The following PTPRG variants were observed in gnomAD, a reference collection of about 807,000 sequenced individuals.
PTPRG encodes the protein protein tyrosine phosphatase receptor type G, also known as receptor-type tyrosine-protein phosphatase gamma.
A neutral mutation model predicts 165.3 loss-of-function variants in PTPRG; 102 were observed. The observed-to-expected ratio is 0.62, with a 90% confidence interval of 0.53 to 0.73. The LOEUF is 0.73. Among genes scored for constraint, PTPRG ranks in the 30% least tolerant of loss-of-function variants. The pLI is 0.00. For missense variants in PTPRG, 1,866 were observed against 1,861.4 expected, an observed-to-expected ratio of 1.00 and a Z score of -0.05; for synonymous variants, 675 against 669.5, an observed-to-expected ratio of 1.01 and a Z score of -0.13.
At chr3:62,127,462 G>A (rs1231420637) in intron 5 of PTPRG, among the ~76,000 whole-genome samples, 1 of 152,206 alleles carries the variant, frequency 6.6e-6, no homozygotes, top group Non-Finnish European at 1.5e-5. Context: ...GCTGGGGTGG[G>A]TGAATCCTCT....
chr3:61,827,112 T>C (rs2036136505), intron 2 of PTPRG, among the ~76,000 whole-genome samples: 2 of 152,234 alleles, frequency 1.3e-5, no homozygotes, highest in South Asian at 4.1e-4. Context: ...TGTGTTCTTC[T>C]ATCCTCTATA....
chr3:61,940,329 G>A (rs1230402413), intron 2 of PTPRG, among the ~76,000 whole-genome samples: 1 of 152,122 alleles, frequency 6.6e-6, no homozygotes, highest in Non-Finnish European at 1.5e-5. Flanking sequence ...ACCTTTCCTA[G>A]CAAAATACTG....
intron 2 of PTPRG, among the ~76,000 whole-genome samples, chr3:61,820,302 C>T (rs916218626): frequency 5.3e-5 from 8 of 152,148 alleles, no homozygotes; most frequent in African/African-American, 1.9e-4. Context: ...AGCTTAAACA[C>T]TCAGGCAGAG....
intron 5 of PTPRG, among the ~76,000 whole-genome samples, chr3:62,123,381 G>A (rs1251077695): frequency 6.6e-6 from 1 of 152,128 alleles, no homozygotes; most frequent in Non-Finnish European, 1.5e-5. Flanking sequence ...GGGTAGCTAG[G>A]ACTATAGATG....
rs1702114056 is a variant in PTPRG at position 62,272,967 on chromosome 3, C to CG, written c.3204_3205insG (p.Thr1069AspfsTer19). On this transcript the variant is annotated frameshift_variant, in exon 22 of 30. Coordinates refer to ENST00000474889, the MANE Select transcript of PTPRG (RefSeq NM_002841.4). LOFTEE classifies it high-confidence loss of function. ...ACAGTGCTGGTGTGGGCAGAACAGG[C>CG]ACCTATATTGTAATAGACAGCATGC... The CG allele has an allele frequency of 6.2e-7, 1 of 1,612,408 alleles. No homozygotes were observed. Among genetic ancestry groups the CG allele is most frequent in the Admixed American group, 1.7e-5 (1 of 59,740 alleles).
chr3:61,791,608 C>G (rs1310130628), intron 2 of PTPRG, among the ~76,000 whole-genome samples: 1 of 152,180 alleles, frequency 6.6e-6, no homozygotes, highest in African/African-American at 2.4e-5. Flanking sequence ...CTGCCTCAGC[C>G]TCCTGAGTAG....
At chr3:62,074,349 T>C (rs1356307285) in intron 4 of PTPRG, among the ~76,000 whole-genome samples, 2 of 112,816 alleles carry the variant, frequency 1.8e-5, no homozygotes, top group Non-Finnish European at 3.3e-5. Flanking sequence ...TTTTCTTTTC[T>C]TTCTTTTTTT....
chr3:62,216,177 A>G (rs1415201973), intron 12 of PTPRG, among the ~76,000 whole-genome samples: 2 of 150,802 alleles, frequency 1.3e-5, no homozygotes, highest in African/African-American at 4.9e-5. Flanking sequence ...GAGATCATGC[A>G]CTCCAGCCTG....
intron 1 of PTPRG, among the ~76,000 whole-genome samples, chr3:61,600,188 A>ATGTGTGTGTGTGTGTGTGTGTGTGTG (rs1372886923): frequency 3.0e-5 from 4 of 133,266 alleles, no homozygotes; most frequent in African/African-American, 2.8e-5. Context: ...ATATATATAT[A>ATGTGTGTGTGTGTGTGTGTGTGTGTG]TATATGTGTG....
At chr3:62,164,472 C>T (rs974184507) in intron 7 of PTPRG, among the ~76,000 whole-genome samples, 4 of 152,088 alleles carry the variant, frequency 2.6e-5, no homozygotes, top group East Asian at 1.9e-4. Context: ...TAGTGAATGC[C>T]GCCAACCCAC....
intron 2 of PTPRG, among the ~76,000 whole-genome samples, chr3:61,945,841 G>T (rs1375727377): frequency 6.6e-6 from 1 of 152,152 alleles, no homozygotes; most frequent in Admixed American, 6.5e-5. Context: ...TCTGAGAGGA[G>T]GCATGGCAGC....
At chr3:62,019,539 A>T (rs1260337306) in intron 4 of PTPRG, among the ~76,000 whole-genome samples, 1 of 151,940 alleles carries the variant, frequency 6.6e-6, no homozygotes, top group Non-Finnish European at 1.5e-5. Context: ...AAAAAAAAAA[A>T]AAAGTCCTTG....
At chr3:62,050,052 A>T (rs1357695614) in intron 4 of PTPRG, among the ~76,000 whole-genome samples, 1 of 152,220 alleles carries the variant, frequency 6.6e-6, no homozygotes, top group Non-Finnish European at 1.5e-5. Flanking sequence ...GTATCAGAAA[A>T]AGGATAGTGT....
At chr3:62,282,935 G>A (rs1478572241) in intron 28 of PTPRG, 66 bp downstream of exon 28, 20 of 1,476,916 alleles carry the variant, frequency 1.4e-5, no homozygotes, top group East Asian at 2.4e-5. Flanking sequence ...GTTGAAAGCA[G>A]TAGAAAAGGA....
At chr3:61,715,800 C>T (rs1288933452) in intron 1 of PTPRG, among the ~76,000 whole-genome samples, 1 of 151,766 alleles carries the variant, frequency 6.6e-6, no homozygotes, top group Non-Finnish European at 1.5e-5. Context: ...GATCACACGC[C>T]TCTGTGGTCT....
At chr3:62,116,371 A>G (rs995517590) in intron 5 of PTPRG, among the ~76,000 whole-genome samples, 2 of 152,210 alleles carry the variant, frequency 1.3e-5, no homozygotes, top group African/African-American at 2.4e-5. Context: ...TCTTCTTTCC[A>G]TAAACTGCAT....
At chr3:62,151,130 T>G (rs1704320018) in intron 6 of PTPRG, among the ~76,000 whole-genome samples, 1 of 152,230 alleles carries the variant, frequency 6.6e-6, no homozygotes, top group Non-Finnish European at 1.5e-5. Flanking sequence ...ATTGCCTCCT[T>G]GCACTGCTAT....
intron 2 of PTPRG, among the ~76,000 whole-genome samples, chr3:61,924,973 C>T (rs1014565819): frequency 1.3e-5 from 2 of 152,206 alleles, no homozygotes; most frequent in Non-Finnish European, 1.5e-5. Context: ...GAGATGATAT[C>T]TGCAAGCCAG....
At chr3:62,149,878 G>C (rs1351640046) in intron 6 of PTPRG, among the ~76,000 whole-genome samples, 1 of 152,136 alleles carries the variant, frequency 6.6e-6, no homozygotes, top group Non-Finnish European at 1.5e-5. Context: ...CCTCAATCCT[G>C]GGAAGTTTTG....
Sources: gnomAD v4.1 joint callset for allele counts (sites outside exome capture counted in the v4.1 genomes callset) on GRCh38, gnomAD v4.1.1 for gene constraint, MANE v1.5 for transcripts, NCBI Gene and HGNC (gene_info 2026-07-23, HGNC 2026-07-21) for gene names.